Variants in SEMA4G observed in about 807,000 individuals in gnomAD.
SEMA4G encodes the protein semaphorin 4G.
Under a neutral mutation model 81.2 loss-of-function variants are expected in SEMA4G, and 59 were observed. The ratio of observed to expected loss-of-function variants is 0.73; its 90% CI spans 0.59 to 0.90. The LOEUF (loss-of-function observed/expected upper bound fraction) is 0.90. Ranked by LOEUF, SEMA4G falls within the 40% of genes least tolerant of loss-of-function variation. SEMA4G has a pLI of 0.00. For synonymous variants in SEMA4G, 404 were observed against 433.9 expected (o/e 0.93, Z 0.86); for missense variants, 952 against 1,102.3 (o/e 0.86, Z 1.93).
At chr10:100,979,376 C>T in intron 8 of SEMA4G, 105 bp downstream of exon 9, 2 of 1,587,228 alleles carry the variant, frequency 1.3e-6, no homozygotes, top group Non-Finnish European at 1.7e-6. Flanking sequence ...GGTCTGGCTG[C>T]AAAGTGAGAA....
At position 100,978,603 on chromosome 10, in the gene SEMA4G, CCT is replaced by C. The variant is rs765930905; in HGVS notation, c.607_608del (p.Leu203GlufsTer3). Reference sequence around the variant, plus strand: ...TCCGCCGGAGCCGCCACCCACACTCCCTGAGAACTGAGGAGACACCAATGCAT... The same window carrying C: ...TCCGCCGGAGCCGCCACCCACACTCCGAGAACTGAGGAGACACCAATGCAT... On this transcript the variant is annotated frameshift_variant, in exon 6 of 14. Transcript: ENST00000370250. LOFTEE classifies it high-confidence loss of function. The C allele has an allele frequency of 1.2e-6, 2 of 1,614,112 alleles. No individual in the cohort carries two copies.
chr10:100,985,086 G>T (rs1345587818), downstream of SEMA4G: 3 of 588,334 alleles, frequency 5.1e-6, no homozygotes, highest in Admixed American at 3.5e-5. Context: ...ACAGGCCCTT[G>T]CCTAGGATGG....
exon 10 of SEMA4G, chr10:100,980,156 A>G (rs917222193): frequency 1.7e-5 from 28 of 1,614,196 alleles, no homozygotes; most frequent in Non-Finnish European, 2.3e-5. Context: ...CAAGGCTACA[A>G]TTCATCCCAA....
chr10:100,981,513 C>G (rs1313001600), intron 13 of SEMA4G: 1 of 1,614,038 alleles, frequency 6.2e-7, no homozygotes, highest in Non-Finnish European at 8.5e-7. Context: ...TGGGTATTTC[C>G]CCAAGGAAGA....
At position 100,972,750 on chromosome 10, in the gene SEMA4G, A is replaced by C; in HGVS notation, c.-163A>C. 4.4e-5 allele frequency: 25 copies of C among 567,834 alleles called. No individual in the cohort carries two copies. Among genetic ancestry groups the C allele is most frequent in the East Asian group, 1.7e-4 (5 of 30,274 alleles). The allele number at this position is 567,834 out of a possible 1,614,324, so 35.2% of individuals were successfully genotyped here. A position where few individuals can be genotyped will look rare whatever the true frequency, so the allele number is the denominator to read the frequency against. The stretch of plus-strand genomic sequence containing the variant: ...TGTCCCCCCGATTCCAGGACCCCCC[A>C]TGGCCCCATGATTCCTTGACTCCTA... On this transcript the variant is annotated 5_prime_UTR_variant, in exon 1 of 14. The change abolishes an upstream ATG in the 5' untranslated region. Transcript: ENST00000370250.
chr10:100,980,881 C>T, exon 12 of SEMA4G: 1 of 1,610,366 alleles, frequency 6.2e-7, no homozygotes, highest in Non-Finnish European at 8.5e-7. Context: ...CCAGCTGCTC[C>T]CGCTACCGAT....
chr10:100,978,144 G>A (rs1850882055), intron 4 of SEMA4G, 151 bp from the exon 6 acceptor site: 1 of 617,800 alleles, frequency 1.6e-6, no homozygotes. Flanking sequence ...GTCATTCTCA[G>A]GGGATGCTTA....
chr10:100,973,978 G>A lies in SEMA4G; in HGVS notation c.336+369G>A, dbSNP rs1850707197. Among the ~76,000 whole-genome samples, 1 of 151,774 alleles carries A rather than the reference G, an allele frequency of 6.6e-6. No individual in the cohort carries two copies. Among genetic ancestry groups the A allele is most frequent in the Admixed American group, 6.6e-5 (1 of 15,234 alleles). ...TTTTGTAGAAACAGGGTCTTGCTAT[G>A]TTGCCCAGGCTGGTCTTGAACTCCT... On this transcript the variant is annotated intron_variant, in intron 3 of 13. Transcript: ENST00000370250. This position sits in a 1 kb window ranked among gnomAD's most constrained non-coding sequence, Gnocchi z 5.5.
At position 100,972,982 on chromosome 10, in the gene SEMA4G, C is replaced by A. The variant is rs150563616; in HGVS notation, c.70C>A (p.Arg24=). 1.9e-6 allele frequency: 3 copies of A among 1,613,884 alleles called. No homozygotes were observed. The African/African-American group carries it at 4.0e-5, about 22-fold the overall frequency. Residue 24 remains arginine (R), a synonymous_variant, in exon 1 of 14, where the codon CGG becomes AGG. Transcript: ENST00000370250. ...AACTGCAGTCCCAGGACCCTCACTG[C>A]GGAGACCGTCTAGAGAACTAGATGC...
rs1851033039 is a variant in SEMA4G, at chr10:100,980,808, T to C, written c.1468-14T>C. On this transcript the variant is annotated splice_polypyrimidine_tract_variant and intron_variant, in intron 11 of 13. Coordinates refer to ENST00000370250, the Ensembl canonical transcript of SEMA4G. ...TGGGGACGCTGCCGACCAACTGTCC[T>C]ATCTGGCTCCCAGCACAGCCTCTAT... The C allele has an allele frequency of 8.3e-6, 13 of 1,560,138 alleles. No homozygotes were observed. The highest frequency in any genetic ancestry group is 1.1e-5 in the Non-Finnish European group (13 of 1,157,750).
chr10:100,980,078 G>C (rs937888463), intron 9 of SEMA4G, 44 bp from the exon 11 acceptor site: 1 of 1,612,952 alleles, frequency 6.2e-7, no homozygotes, highest in South Asian at 1.1e-5. Context: ...AGGGCAGGCA[G>C]GTGGTGGAGT....
exon 14 of SEMA4G, chr10:100,984,446 CTCCTGTTCCAT>C: frequency 6.6e-7 from 1 of 1,510,656 alleles, no homozygotes; most frequent in Admixed American, 2.0e-5. Context: ...GGACTCCATC[CTCCTGTTCCAT>C]TCATCTGCCC....
exon 1 of SEMA4G, chr10:100,972,734 G>C: frequency 1.8e-6 from 1 of 554,904 alleles, no homozygotes; most frequent in Non-Finnish European, 3.1e-6. Flanking sequence ...ATGTCCCCCC[G>C]ATTCCAGGAC....
exon 10 of SEMA4G, chr10:100,980,295 T>C (rs1851001826): frequency 6.2e-7 from 1 of 1,614,098 alleles, no homozygotes; most frequent in South Asian, 1.1e-5. Flanking sequence ...CAGGGACACC[T>C]GTCACCACGC....
chr10:100,981,797 C>G (rs546722679), intron 13 of SEMA4G, among the ~76,000 whole-genome samples: 1 of 152,274 alleles, frequency 6.6e-6, no homozygotes, highest in African/African-American at 2.4e-5. Flanking sequence ...GTGGCTCACG[C>G]CTGTAATCCC....
At chr10:100,970,073 G>A, upstream of SEMA4G, 1 of 342,106 alleles carries the variant, frequency 2.9e-6, no homozygotes, top group South Asian at 2.1e-5. Flanking sequence ...GGACATCTGG[G>A]ATGAAGGTCG....
exon 1 of SEMA4G, chr10:100,972,744 C>A: frequency 3.4e-6 from 2 of 581,470 alleles, no homozygotes; most frequent in Non-Finnish European, 2.9e-6. Context: ...GATTCCAGGA[C>A]CCCCCATGGC....
Sources: allele counts gnomAD v4.1 joint callset (sites outside exome capture counted in the v4.1 genomes callset), GRCh38; gene constraint gnomAD v4.1.1; non-coding constraint Gnocchi (gnomAD v3.1); transcripts MANE v1.5; gene names NCBI Gene and HGNC (gene_info 2026-07-23, HGNC 2026-07-21).